The following SEL1L2 variants were observed in gnomAD, a reference collection of about 807,000 sequenced individuals.
SEL1L2 encodes the protein SEL1L2 adaptor subunit of SYVN1 ubiquitin ligase, also known as protein sel-1 homolog 2.
SEL1L2 carries 89 observed loss-of-function variants against 98.8 expected under a neutral mutation model. That is an observed-to-expected ratio of 0.90 (90% confidence interval 0.76 to 1.07). The LOEUF (loss-of-function observed/expected upper bound fraction) is 1.07. SEL1L2 is among the 50% of genes least tolerant of loss of function. The probability of loss-of-function intolerance (pLI) is 0.00; values close to 1 mark genes in which losing one functional copy is unlikely to be tolerated. For missense variants in SEL1L2, 788 were observed against 812.0 expected, an observed-to-expected ratio of 0.97 and a Z score of 0.36; for synonymous variants, 262 against 278.5, an observed-to-expected ratio of 0.94 and a Z score of 0.59.
rs186490194 is a variant in SEL1L2 at position 13,934,191 on chromosome 20, C to A, written c.115-2420G>T. Reference sequence around the variant, plus strand: ...ATGGCTTTGCATCCTCATAGCTTAGCTCCCACTTATAAGTGAGAACATCCA... The same window carrying A: ...ATGGCTTTGCATCCTCATAGCTTAGATCCCACTTATAAGTGAGAACATCCA... On this transcript the variant is annotated intron_variant, in intron 2 of 19. Coordinates refer to ENST00000284951, the MANE Select transcript of SEL1L2 (RefSeq NM_025229.2). 2.0e-4 allele frequency among the ~76,000 whole-genome samples: 30 copies of A among 148,532 alleles called. No homozygotes were observed. The East Asian group carries it at 5.8e-3, about 29-fold the overall frequency.
chr20:13,938,083 CT>C (rs780844505), intron 2 of SEL1L2, among the ~76,000 whole-genome samples: 226 of 137,204 alleles, frequency 1.6e-3, no homozygotes, highest in African/African-American at 2.7e-3. Flanking sequence ...TTTTTCTTTT[CT>C]TTTTTTTTTT....
intron 5 of SEL1L2, among the ~76,000 whole-genome samples, chr20:13,896,507 C>A (rs2047433350): frequency 1.4e-5 from 2 of 138,186 alleles, no homozygotes; most frequent in African/African-American, 2.7e-5. Context: ...ACAAACAACT[C>A]CCCCCCCCCC....
At chr20:13,941,566 C>T (rs1486660347) in intron 2 of SEL1L2, among the ~76,000 whole-genome samples, 1 of 152,112 alleles carries the variant, frequency 6.6e-6, no homozygotes, top group Non-Finnish European at 1.5e-5. Context: ...AAGATAACTT[C>T]TTGTTTTGGA....
chr20:13,944,379 AGATGGGT>A (rs1473306696), intron 2 of SEL1L2, among the ~76,000 whole-genome samples: 1 of 152,238 alleles, frequency 6.6e-6, no homozygotes, highest in Admixed American at 6.5e-5. Context: ...CACAGAGTCC[AGATGGGT>A]GAGCTGGTGG....
At chr20:13,961,510 T>C (rs954583342) in intron 1 of SEL1L2, among the ~76,000 whole-genome samples, 5 of 152,302 alleles carry the variant, frequency 3.3e-5, no homozygotes, top group African/African-American at 1.2e-4. Context: ...ATCGGATTCA[T>C]AGAAGACTTA....
chr20:13,966,755 C>T (rs1413832898), intron 1 of SEL1L2, among the ~76,000 whole-genome samples: 1 of 152,094 alleles, frequency 6.6e-6, no homozygotes, highest in Non-Finnish European at 1.5e-5. Context: ...CTGTTCCTAC[C>T]TTTTGGAGTA....
chr20:13,963,111 A>G (rs536705522), intron 1 of SEL1L2, among the ~76,000 whole-genome samples: 1 of 143,000 alleles, frequency 7.0e-6, no homozygotes. Flanking sequence ...ATAAAAAAAA[A>G]CTCTCTATTA....
At chr20:13,975,326 T>G (rs1244937071) in intron 1 of SEL1L2, among the ~76,000 whole-genome samples, 2 of 152,192 alleles carry the variant, frequency 1.3e-5, no homozygotes, top group African/African-American at 4.8e-5. Flanking sequence ...TTAAAAATAT[T>G]TGGATGATTG....
chr20:13,989,499 A>G (rs1032830806), intron 1 of SEL1L2, among the ~76,000 whole-genome samples: 1 of 152,238 alleles, frequency 6.6e-6, no homozygotes, highest in African/African-American at 2.4e-5. Flanking sequence ...AACTTCCAGT[A>G]CAATGTTGAA....
intron 18 of SEL1L2, among the ~76,000 whole-genome samples, chr20:13,856,848 T>A (rs1371754660): frequency 6.6e-6 from 1 of 152,238 alleles, no homozygotes; most frequent in Non-Finnish European, 1.5e-5. Flanking sequence ...ATACTCATCT[T>A]TCTCACTAGT....
chr20:13,989,186 G>A (rs1197173780), intron 1 of SEL1L2, among the ~76,000 whole-genome samples: 1 of 152,110 alleles, frequency 6.6e-6, no homozygotes, highest in Non-Finnish European at 1.5e-5. Flanking sequence ...ATCAGAATAT[G>A]AGTTTCACAC....
upstream of SEL1L2, among the ~76,000 whole-genome samples, chr20:13,994,473 T>C (rs1423561528): frequency 6.6e-6 from 1 of 152,126 alleles, no homozygotes; most frequent in East Asian, 1.9e-4. Context: ...TCCAAATAAT[T>C]ATTTGCCCAA....
At chr20:13,885,188 T>C (rs2046892893) in intron 10 of SEL1L2, among the ~76,000 whole-genome samples, 159 bp downstream of exon 10, 1 of 152,170 alleles carries the variant, frequency 6.6e-6, no homozygotes, top group South Asian at 2.1e-4. Context: ...AGAACTTAGT[T>C]CTTCCTAAGA....
At chr20:13,902,961 C>A (rs571387578) in intron 5 of SEL1L2, among the ~76,000 whole-genome samples, 1 of 151,850 alleles carries the variant, frequency 6.6e-6, no homozygotes, top group South Asian at 2.1e-4. Flanking sequence ...ACTAAAAATA[C>A]AAAAATTAGC....
chr20:13,980,127 GA>G lies in SEL1L2; in HGVS notation c.58+10349del, dbSNP rs1802424368. Reference sequence around the variant, plus strand: ...AATGTTCAATATCACTAATCATCAGGAAAATGCAAATTAAAATCACAACGAG... The same window carrying G: ...AATGTTCAATATCACTAATCATCAGGAAATGCAAATTAAAATCACAACGAG... On this transcript the variant is annotated intron_variant, in intron 1 of 19. Transcript: ENST00000284951. Among the ~76,000 whole-genome samples the G allele has an allele frequency of 3.9e-5, 6 of 152,244 alleles. No homozygotes were observed. In the South Asian group the frequency reaches 1.2e-3, roughly 32 times the overall value.
chr20:13,912,822 A>C (rs1274522266), intron 5 of SEL1L2, among the ~76,000 whole-genome samples: 1 of 152,258 alleles, frequency 6.6e-6, no homozygotes, highest in African/African-American at 2.4e-5. Flanking sequence ...TTTATAGTTC[A>C]TGATCTTTTC....
At chr20:13,988,349 TTTTA>T (rs2052350427) in intron 1 of SEL1L2, among the ~76,000 whole-genome samples, 1 of 152,114 alleles carries the variant, frequency 6.6e-6, no homozygotes, top group African/African-American at 2.4e-5. Flanking sequence ...TTAAAAACTG[TTTTA>T]TTTATTTTTT....
chr20:13,863,287 G>A (rs1329744776), intron 17 of SEL1L2, among the ~76,000 whole-genome samples: 1 of 152,168 alleles, frequency 6.6e-6, no homozygotes, highest in Non-Finnish European at 1.5e-5. Context: ...CAGTAAGCAG[G>A]ATCCCTGAAG....
chr20:13,965,915 C>T (rs2051018882), intron 1 of SEL1L2, among the ~76,000 whole-genome samples: 1 of 147,750 alleles, frequency 6.8e-6, no homozygotes, highest in African/African-American at 2.5e-5. Context: ...GTTGCACCAC[C>T]ACTGCACTCC....
Sources: gnomAD v4.1 joint callset for allele counts (sites outside exome capture counted in the v4.1 genomes callset) on GRCh38, gnomAD v4.1.1 for gene constraint, MANE v1.5 for transcripts, NCBI Gene and HGNC (gene_info 2026-07-23, HGNC 2026-07-21) for gene names.